VSTM2A: variants seen among roughly 807,000 people sequenced by gnomAD.
The protein encoded by VSTM2A is V-set and transmembrane domain containing 2A, also known as V-set and transmembrane domain-containing protein 2A.
In VSTM2A, 13 loss-of-function variants were observed where a neutral mutation model predicts 27.3. The ratio of observed to expected loss-of-function variants is 0.48; its 90% CI spans 0.31 to 0.76. The LOEUF (loss-of-function observed/expected upper bound fraction) is 0.76, where lower values mean the gene tolerates loss of function less well. VSTM2A is among the 30% of genes least tolerant of loss of function. VSTM2A has a pLI of 0.05. For synonymous variants in VSTM2A, 142 were observed against 125.7 expected (o/e 1.13, Z -0.87); for missense variants, 280 against 310.0 (o/e 0.90, Z 0.73).
intron 4 of VSTM2A, among the ~76,000 whole-genome samples, chr7:54,555,130 T>C (rs3893317): frequency 0.058 from 8,785 of 152,304 alleles, 303 homozygotes; most frequent in African/African-American, 0.089. Flanking sequence ...ATTGTCCTAG[T>C]AATTGTCTCC....
intron 4 of VSTM2A, among the ~76,000 whole-genome samples, chr7:54,561,908 G>T (rs1022271129): frequency 6.7e-6 from 1 of 149,098 alleles, no homozygotes; most frequent in African/African-American, 2.6e-5. Flanking sequence ...ATAAAAATTA[G>T]TTTTTTAGTT....
chr7:54,542,961 T>A (rs538207), intron 1 of VSTM2A, among the ~76,000 whole-genome samples, 152 bp downstream of exon 1: 25,595 of 152,058 alleles, frequency 0.17, 2,517 homozygotes, highest in East Asian at 0.33. Flanking sequence ...CGATTTTTTT[T>A]AAAGTTTATT....
At chr7:54,542,849 G>A (rs547245630) in intron 1 of VSTM2A, 40 bp downstream of exon 1, 17 of 1,566,382 alleles carry the variant, frequency 1.1e-5, no homozygotes, top group Non-Finnish European at 1.4e-5. Context: ...TTGCTTGCGT[G>A]TGTGTGTGTT....
intron 4 of VSTM2A, chr7:54,554,117 G>C (rs1788278322): frequency 6.5e-7 from 1 of 1,547,130 alleles, no homozygotes; most frequent in Admixed American, 2.0e-5. Flanking sequence ...TGTCATGCAA[G>C]TCACTGGTGT....
intron 4 of VSTM2A, chr7:54,568,866 T>C: frequency 1.2e-6 from 1 of 820,742 alleles, no homozygotes; most frequent in Non-Finnish European, 1.9e-6. Context: ...TGTTGTTGTT[T>C]GCAGTGCATG....
At chr7:54,564,698 T>C (rs1191572312) in intron 4 of VSTM2A, among the ~76,000 whole-genome samples, 8 of 152,140 alleles carry the variant, frequency 5.3e-5, no homozygotes, top group Admixed American at 6.5e-5. Flanking sequence ...ATGTAAACTT[T>C]CCTGGGCCCA....
At chr7:54,558,675 C>G (rs1357667090) in intron 4 of VSTM2A, 1 of 151,936 alleles carries the variant, frequency 6.6e-6, no homozygotes, top group Non-Finnish European at 1.5e-5. Flanking sequence ...GCCTGGAAAG[C>G]TCGAAAATTA....
intron 4 of VSTM2A, chr7:54,554,089 C>G (rs200597138): frequency 3.9e-6 from 6 of 1,550,826 alleles, no homozygotes; most frequent in Non-Finnish European, 1.7e-6. Context: ...TTGCCCAGGT[C>G]GCTCGCACTC....
intron 4 of VSTM2A, among the ~76,000 whole-genome samples, chr7:54,563,703 C>T (rs564891695): frequency 1.3e-5 from 2 of 152,300 alleles, no homozygotes; most frequent in African/African-American, 4.8e-5. Flanking sequence ...TCTCCCTCAG[C>T]TACGGTAAGA....
At chr7:54,555,622 C>A (rs6962469) in intron 4 of VSTM2A, among the ~76,000 whole-genome samples, 8,040 of 152,156 alleles carry the variant, frequency 0.053, 544 homozygotes, top group African/African-American at 0.15. Context: ...ATTGTTGAAC[C>A]TTTAGTGCTC....
chr7:54,552,355 G>T (rs1424123672), intron 4 of VSTM2A: 3 of 152,054 alleles, frequency 2.0e-5, no homozygotes, highest in African/African-American at 7.2e-5. Context: ...AGAAGCTGGG[G>T]CAGTCCAGTC....
chr7:54,549,551 G>A (rs568866069), intron 3 of VSTM2A, among the ~76,000 whole-genome samples: 22 of 152,296 alleles, frequency 1.4e-4, no homozygotes, highest in Admixed American at 2.6e-4. Flanking sequence ...GAAAAATGAC[G>A]GAGCTGCTAC....
intron 2 of VSTM2A, among the ~76,000 whole-genome samples, chr7:54,545,719 G>A (rs1201256501): frequency 5.7e-5 from 6 of 106,194 alleles, no homozygotes; most frequent in Non-Finnish European, 1.1e-4. Context: ...GAGAGAGAGG[G>A]AAGGGGAAAA....
chr7:54,549,266 A>G (rs1286395309), intron 3 of VSTM2A, among the ~76,000 whole-genome samples: 2 of 152,130 alleles, frequency 1.3e-5, no homozygotes, highest in East Asian at 1.9e-4. Context: ...ATGCCACCCT[A>G]TGACTAGAGG....
At position 54,569,208 on chromosome 7, in the gene VSTM2A, AC is replaced by A; in HGVS notation, c.713del (p.Thr238MetfsTer16). The A allele has an allele frequency of 6.4e-7, 1 of 1,551,638 alleles. No homozygotes were observed. Among genetic ancestry groups the A allele is most frequent in the Non-Finnish European group, 8.7e-7 (1 of 1,146,936 alleles). ...TLNSKHHPAP[T>X]VL is the part of the protein sequence containing the mutation. ...AAACTCCAAGCACCACCCTGCACCC[AC>A]TGTACTCTAATTCACTACACAAGGA... On this transcript the variant is annotated frameshift_variant, in exon 5 of 5. Transcript: ENST00000402613. LOFTEE classifies it high-confidence loss of function.
chr7:54,552,972 G>T (rs945628229), intron 4 of VSTM2A, among the ~76,000 whole-genome samples: 3 of 152,056 alleles, frequency 2.0e-5, no homozygotes, highest in African/African-American at 7.2e-5. Context: ...TTCTTTCAAA[G>T]AATTTCTGTT....
At chr7:54,563,869 A>G (rs1014628322) in intron 4 of VSTM2A, among the ~76,000 whole-genome samples, 11 of 152,260 alleles carry the variant, frequency 7.2e-5, no homozygotes, top group Non-Finnish European at 1.6e-4. Context: ...ACAGATTTCT[A>G]GAAGAAATTG....
chr7:54,566,111 A>T (rs1788712248), intron 4 of VSTM2A, among the ~76,000 whole-genome samples: 1 of 152,220 alleles, frequency 6.6e-6, no homozygotes, highest in Admixed American at 6.5e-5. Context: ...AAGCATAAAA[A>T]CAAAGCAAAT....
At chr7:54,558,717 T>G (rs535509591) in intron 4 of VSTM2A, 1 of 152,184 alleles carries the variant, frequency 6.6e-6, no homozygotes, top group African/African-American at 2.4e-5. Flanking sequence ...TTTAAAAATG[T>G]AACAGTTAAA....
Sources: allele counts gnomAD v4.1 joint callset (sites outside exome capture counted in the v4.1 genomes callset), GRCh38; gene constraint gnomAD v4.1.1; transcripts MANE v1.5; gene names NCBI Gene and HGNC (gene_info 2026-07-23, HGNC 2026-07-21).